GRID1: variants seen among roughly 807,000 people sequenced by gnomAD.
GRID1 encodes glutamate receptor ionotropic, delta-1.
GRID1 carries 28 observed loss-of-function variants against 98.0 expected under a neutral mutation model. The observed-to-expected ratio is 0.29, with a 90% CI of 0.21 to 0.39. The LOEUF (loss-of-function observed/expected upper bound fraction) is 0.39, where lower values mean the gene tolerates loss of function less well. GRID1 is among the 10% of genes least tolerant of loss of function. The probability of loss-of-function intolerance (pLI) is 1.00; values close to 1 mark genes in which losing one functional copy is unlikely to be tolerated. For synonymous variants in GRID1, 553 were observed against 538.5 expected (o/e 1.03, Z -0.37); for missense variants, 1,111 against 1,340.5 (o/e 0.83, Z 2.67).
At chr10:86,168,063 G>T (rs1340648257) in intron 3 of GRID1, among the ~76,000 whole-genome samples, 6 of 152,176 alleles carry the variant, frequency 3.9e-5, no homozygotes, top group Non-Finnish European at 8.8e-5. Context: ...GGCAGACATG[G>T]CATCAGTGGT....
intron 4 of GRID1, among the ~76,000 whole-genome samples, chr10:85,921,905 C>T (rs2131827667): frequency 6.6e-6 from 1 of 152,324 alleles, no homozygotes; most frequent in East Asian, 1.9e-4. Context: ...TACAACATCT[C>T]CTCTGCTTTA....
At position 85,724,568 on chromosome 10, in the gene GRID1, G is replaced by A. The variant is rs758893534; in HGVS notation, c.1642C>T (p.Pro548Ser). The change falls in exon 11 of 16, where the codon CCC (proline) becomes TCC (serine). Residue 548 changes from proline (P) to serine (S), a missense_variant. Coordinates refer to ENST00000327946, the MANE Select transcript of GRID1 (RefSeq NM_017551.3). ...DYSVGILIKK[P>S]EEKISIFSLF... The stretch of plus-strand genomic sequence containing the variant: ...GAGAAGATGCTGATTTTCTCCTCGG[G>A]CTTCTTAATTAGAATCCCCACTGAA... 16 of 1,613,250 alleles carry A rather than the reference G, an allele frequency of 9.9e-6. No individual in the cohort carries two copies. The Admixed American group carries it at 2.7e-4, about 27-fold the overall frequency.
At chr10:86,216,698 A>G (rs938687426) in intron 2 of GRID1, among the ~76,000 whole-genome samples, 1 of 152,198 alleles carries the variant, frequency 6.6e-6, no homozygotes, top group Non-Finnish European at 1.5e-5. Flanking sequence ...GGGAGAGACA[A>G]GCAGCCAGAT....
intron 3 of GRID1, among the ~76,000 whole-genome samples, chr10:86,162,737 G>A (rs897281047): frequency 2.6e-5 from 4 of 152,156 alleles, no homozygotes; most frequent in African/African-American, 9.7e-5. Flanking sequence ...CCCACTGCTT[G>A]GAGAAATCAT....
intron 8 of GRID1, among the ~76,000 whole-genome samples, chr10:85,775,858 G>A (rs1292540138): frequency 6.6e-6 from 1 of 152,162 alleles, no homozygotes; most frequent in Non-Finnish European, 1.5e-5. Flanking sequence ...AAACACAAAA[G>A]AGTCACTCTC....
At chr10:86,035,219 T>C (rs910164418) in intron 4 of GRID1, among the ~76,000 whole-genome samples, 9 of 152,158 alleles carry the variant, frequency 5.9e-5, no homozygotes, top group African/African-American at 2.2e-4. Context: ...AGACTTTACC[T>C]AACAGTTCAG....
At chr10:85,925,772 G>A (rs1468865635) in intron 4 of GRID1, among the ~76,000 whole-genome samples, 1 of 152,160 alleles carries the variant, frequency 6.6e-6, no homozygotes, top group African/African-American at 2.4e-5. Flanking sequence ...CCCAGAGCGG[G>A]TACATCCGCT....
rs545737037 is a variant in GRID1 at position 86,260,938 on chromosome 10, T to C, written c.236-54290A>G. Among the ~76,000 whole-genome samples, 4 of 152,354 alleles carry C rather than the reference T, an allele frequency of 2.6e-5. No homozygotes were observed. In the East Asian group the frequency reaches 7.7e-4, roughly 29 times the overall value. On this transcript the variant is annotated intron_variant, in intron 2 of 15. Coordinates refer to ENST00000327946, the MANE Select transcript of GRID1 (RefSeq NM_017551.3). ...TGGAGCTAAACAAAGACCCAGCAGG[T>C]GGGAGAAGGAGTGCTGCCTGGAGAG...
intron 2 of GRID1, among the ~76,000 whole-genome samples, chr10:86,252,449 A>T (rs992323308): frequency 7.9e-5 from 12 of 152,226 alleles, no homozygotes; most frequent in Non-Finnish European, 1.6e-4. Context: ...ATCACACTGC[A>T]CTGTAAGGAT....
chr10:85,944,507 A>C (rs1357805445), intron 4 of GRID1, among the ~76,000 whole-genome samples: 1 of 152,244 alleles, frequency 6.6e-6, no homozygotes, highest in African/African-American at 2.4e-5. Flanking sequence ...ATTAAAACTG[A>C]AAATACATAT....
At position 85,623,829 on chromosome 10, in the gene GRID1, TA is replaced by T. The variant is rs1196745239; in HGVS notation, c.2194-3797del. Among the ~76,000 whole-genome samples, 5 of 152,318 alleles carry T rather than the reference TA, an allele frequency of 3.3e-5. No homozygotes were observed. The South Asian group carries it at 1.0e-3, about 32-fold the overall frequency. On this transcript the variant is annotated intron_variant, in intron 13 of 15. Transcript: ENST00000327946. ...AGCATTTGTCATTTCCTATTTATAT[TA>T]ACTCTTTTCTGTTGAGGATGTTTTT...
intron 11 of GRID1, among the ~76,000 whole-genome samples, chr10:85,723,930 A>G (rs1356223266): frequency 6.6e-6 from 1 of 152,228 alleles, no homozygotes; most frequent in Non-Finnish European, 1.5e-5. Context: ...CCTCAGAGGT[A>G]GGAGAATTTG....
chr10:86,323,638 G>A (rs1007097885), intron 2 of GRID1, among the ~76,000 whole-genome samples: 8 of 152,192 alleles, frequency 5.3e-5, no homozygotes, highest in African/African-American at 1.9e-4. Flanking sequence ...CCAGCGGCCG[G>A]GGGAGTGGAA....
At position 86,054,855 on chromosome 10, in the gene GRID1, A is replaced by G. The variant is rs141711468; in HGVS notation, c.726+83964T>C. ...CTTCTCCCATTAGGGGGTGGGGTCT[A>G]CATTTCATCCCTTGACTTTGGGCAG... On this transcript the variant is annotated intron_variant, in intron 4 of 15. Transcript: ENST00000327946. 5.9e-5 allele frequency among the ~76,000 whole-genome samples: 9 copies of G among 152,286 alleles called. No individual in the cohort carries two copies. In the East Asian group the frequency reaches 1.7e-3, roughly 29 times the overall value.
At chr10:85,985,322 C>T (rs1225702227) in intron 4 of GRID1, among the ~76,000 whole-genome samples, 1 of 152,202 alleles carries the variant, frequency 6.6e-6, no homozygotes, top group Non-Finnish European at 1.5e-5. Context: ...GATTGAAAGT[C>T]CAGGGCATTT....
intron 5 of GRID1, among the ~76,000 whole-genome samples, chr10:85,892,038 A>G (rs1275824161): frequency 6.6e-6 from 1 of 151,928 alleles, no homozygotes; most frequent in Non-Finnish European, 1.5e-5. Context: ...AACATGCATG[A>G]TAGGGAGAAA....
intron 13 of GRID1, among the ~76,000 whole-genome samples, chr10:85,630,466 A>G (rs1251099874): frequency 6.6e-6 from 1 of 152,220 alleles, no homozygotes; most frequent in Non-Finnish European, 1.5e-5. Flanking sequence ...GATCCTGATA[A>G]CAACGCGAGT....
chr10:86,113,445 CCTGACTCCAGCAATCAGATGTTAG>C (rs1217553269), intron 4 of GRID1, among the ~76,000 whole-genome samples: 78 of 152,346 alleles, frequency 5.1e-4, no homozygotes, highest in African/African-American at 1.8e-3. Flanking sequence ...CCTTCTCAGG[CCTGACTCCAGCAATCAGATGTTAG>C]CTGAAAAGTC....
chr10:85,765,545 G>T (rs1490775935), intron 8 of GRID1, among the ~76,000 whole-genome samples: 1 of 152,058 alleles, frequency 6.6e-6, no homozygotes, highest in East Asian at 1.9e-4. Flanking sequence ...CTGTCAAAAT[G>T]CAGTCAAAAT....
Sources: gnomAD v4.1 joint callset for allele counts (sites outside exome capture counted in the v4.1 genomes callset) on GRCh38, gnomAD v4.1.1 for gene constraint, MANE v1.5 for transcripts, NCBI Gene and HGNC (gene_info 2026-07-23, HGNC 2026-07-21) for gene names.